Variants in SIPA1L2 observed in about 807,000 individuals in gnomAD.
SIPA1L2 encodes the protein signal-induced proliferation-associated 1-like protein 2.
SIPA1L2 carries 56 observed loss-of-function variants against 163.9 expected under a neutral mutation model. The ratio of observed to expected loss-of-function variants is 0.34; its 90% CI spans 0.28 to 0.43. The LOEUF (loss-of-function observed/expected upper bound fraction) is 0.43. Among genes scored for constraint, SIPA1L2 ranks in the 20% least tolerant of loss-of-function variants. The pLI is 1.00. For missense variants in SIPA1L2, 1,974 were observed against 2,193.5 expected (o/e 0.90, Z 2.00); for synonymous variants, 877 against 865.7 (o/e 1.01, Z -0.23).
At chr1:232,471,183 G>A (rs576978256) in intron 8 of SIPA1L2, among the ~76,000 whole-genome samples, 188 bp downstream of exon 8, 1 of 152,312 alleles carries the variant, frequency 6.6e-6, no homozygotes, top group Admixed American at 6.5e-5. Flanking sequence ...CCATTTTAAA[G>A]TGCTAGGCAT....
chr1:232,564,905 G>A (rs1268629346), intron 2 of SIPA1L2, among the ~76,000 whole-genome samples: 1 of 152,124 alleles, frequency 6.6e-6, no homozygotes, highest in African/African-American at 2.4e-5. Flanking sequence ...GTCTCAGGGT[G>A]GGGGATGAGA....
intron 1 of SIPA1L2, among the ~76,000 whole-genome samples, chr1:232,592,796 C>T (rs10495330): frequency 0.16 from 22,541 of 139,740 alleles, 1,819 homozygotes; most frequent in Middle Eastern, 0.24. Flanking sequence ...TTATCCTCTC[C>T]GAATGTTCAC....
intron 7 of SIPA1L2, among the ~76,000 whole-genome samples, chr1:232,478,887 C>G (rs1412051769): frequency 6.6e-6 from 1 of 152,250 alleles, no homozygotes; most frequent in Non-Finnish European, 1.5e-5. Flanking sequence ...GGAGCCTTAG[C>G]TATCCCATAG....
At chr1:232,558,449 C>T (rs1658844328) in intron 2 of SIPA1L2, among the ~76,000 whole-genome samples, 2 of 152,216 alleles carry the variant, frequency 1.3e-5, no homozygotes, top group South Asian at 4.1e-4. Context: ...GCCGGGCAAC[C>T]TGCAGACCTC....
At chr1:232,564,713 T>C (rs183918937) in intron 2 of SIPA1L2, among the ~76,000 whole-genome samples, 1 of 152,334 alleles carries the variant, frequency 6.6e-6, no homozygotes, top group African/African-American at 2.4e-5. Context: ...TCTGGGTTTT[T>C]ATTGTGGGGA....
At chr1:232,449,148 A>G (rs2102883263) in intron 10 of SIPA1L2, among the ~76,000 whole-genome samples, 1 of 152,308 alleles carries the variant, frequency 6.6e-6, no homozygotes, top group South Asian at 2.1e-4. Context: ...TATGAGAGTT[A>G]AAATTAAACA....
At chr1:232,604,602 G>GT (rs1251352335) in intron 1 of SIPA1L2, among the ~76,000 whole-genome samples, 1 of 152,120 alleles carries the variant, frequency 6.6e-6, no homozygotes, top group African/African-American at 2.4e-5. Flanking sequence ...GTTTGGTTTG[G>GT]TTTTTTTGAG....
At chr1:232,496,269 T>C (rs1318673269) in intron 3 of SIPA1L2, among the ~76,000 whole-genome samples, 3 of 152,204 alleles carry the variant, frequency 2.0e-5, no homozygotes, top group African/African-American at 7.2e-5. Flanking sequence ...GCCTACAGTA[T>C]TCAGTACAGT....
At chr1:232,557,381 T>C (rs1049129490) in intron 2 of SIPA1L2, among the ~76,000 whole-genome samples, 1 of 152,134 alleles carries the variant, frequency 6.6e-6, no homozygotes, top group Non-Finnish European at 1.5e-5. Flanking sequence ...ACAGCAGGGG[T>C]AGGTGTTTAA....
intron 18 of SIPA1L2, among the ~76,000 whole-genome samples, chr1:232,417,624 T>C (rs1206338989): frequency 6.6e-6 from 1 of 152,006 alleles, no homozygotes; most frequent in Admixed American, 6.6e-5. Flanking sequence ...TCGGGTCCTG[T>C]CTCAGTTGCT....
At chr1:232,541,474 G>C (rs1243516060) in intron 2 of SIPA1L2, among the ~76,000 whole-genome samples, 1 of 152,152 alleles carries the variant, frequency 6.6e-6, no homozygotes, top group African/African-American at 2.4e-5. Context: ...CCAAGTGCAA[G>C]TAAGGCTTTC....
At chr1:232,404,268 T>C (rs1660516986) in intron 19 of SIPA1L2, 90 bp from the exon 20 acceptor site, 2 of 1,163,950 alleles carry the variant, frequency 1.7e-6, no homozygotes, top group East Asian at 2.4e-5. Flanking sequence ...CTGTGTGAAG[T>C]AGTGTGTGTG....
chr1:232,575,092 T>A (rs532310316), intron 1 of SIPA1L2, among the ~76,000 whole-genome samples: 1 of 152,312 alleles, frequency 6.6e-6, no homozygotes, highest in South Asian at 2.1e-4. Context: ...CAAACTCAAC[T>A]ACAGCCAAGC....
intron 9 of SIPA1L2, among the ~76,000 whole-genome samples, chr1:232,462,931 T>A (rs1664316088): frequency 6.6e-6 from 1 of 152,150 alleles, no homozygotes; most frequent in Non-Finnish European, 1.5e-5. Flanking sequence ...CTTCCTAACA[T>A]CCCCAAAGTC....
At chr1:232,431,702 A>G (rs1023871889) in intron 16 of SIPA1L2, among the ~76,000 whole-genome samples, 9 of 142,198 alleles carry the variant, frequency 6.3e-5, no homozygotes, top group Middle Eastern at 3.3e-3. Context: ...AGGCATCAGC[A>G]TAGTTTTCAC....
rs76673607 is a variant in SIPA1L2 at position 232,416,064 on chromosome 1, GAGTC to G, written c.4631-443_4631-440del. ...AACACGGGCACCACTGTCCCTCCCAGAGTCAGTCAGTCAGAACACGGGCACCACT... is the reference window on the plus strand; with the variant it reads ...AACACGGGCACCACTGTCCCTCCCAGAGTCAGTCAGAACACGGGCACCACT... On this transcript the variant is annotated intron_variant, in intron 18 of 22. Transcript: ENST00000674635. Among the ~76,000 whole-genome samples, 71 of 57,508 alleles carry G rather than the reference GAGTC, an allele frequency of 1.2e-3. 5 individuals are homozygous for G. Among genetic ancestry groups the G allele is most frequent in the African/African-American group, 4.5e-3 (63 of 14,084 alleles). 37.7% of individuals were successfully genotyped at this position (57,508 alleles called of 152,430 possible). A position where few individuals can be genotyped will look rare whatever the true frequency, so the allele number is the denominator to read the frequency against.
intron 5 of SIPA1L2, 89 bp downstream of exon 5, chr1:232,490,785 C>A: frequency 7.5e-7 from 1 of 1,336,136 alleles, no homozygotes; most frequent in Non-Finnish European, 1.0e-6. Flanking sequence ...AATAAATGAT[C>A]TTACAAGAAA....
chr1:232,480,207 CTTAG>C (rs146912428), intron 6 of SIPA1L2, among the ~76,000 whole-genome samples: 36,372 of 148,700 alleles, frequency 0.24, 4,600 homozygotes, highest in Admixed American at 0.35. Flanking sequence ...ACAGTTAATT[CTTAG>C]TTATTCTTGG....
At chr1:232,577,627 T>G (rs1420204056) in intron 1 of SIPA1L2, among the ~76,000 whole-genome samples, 3 of 152,064 alleles carry the variant, frequency 2.0e-5, no homozygotes, top group African/African-American at 7.2e-5. Context: ...TATCAACAAT[T>G]AACAGGAGTT....
Sources: gnomAD v4.1 joint callset for allele counts (sites outside exome capture counted in the v4.1 genomes callset) on GRCh38, gnomAD v4.1.1 for gene constraint, MANE v1.5 for transcripts, NCBI Gene and HGNC (gene_info 2026-07-23, HGNC 2026-07-21) for gene names.